The following DPF3 variants were observed in gnomAD, a reference collection of about 807,000 sequenced individuals.
DPF3 encodes zinc finger protein DPF3.
DPF3 carries 18 observed loss-of-function variants against 56.8 expected under a neutral mutation model. That is an observed-to-expected ratio of 0.32 (90% CI 0.22 to 0.47). The LOEUF (loss-of-function observed/expected upper bound fraction) is 0.47, where lower values mean the gene tolerates loss of function less well. Among genes scored for constraint, DPF3 ranks in the 20% least tolerant of loss-of-function variants. The pLI, the probability that DPF3 is intolerant of heterozygous loss-of-function variation, is 1.00. For missense variants in DPF3, 403 were observed against 488.8 expected (o/e 0.82, Z 1.65); for synonymous variants, 188 against 180.2 (o/e 1.04, Z -0.35).
intron 1 of DPF3, among the ~76,000 whole-genome samples, chr14:72,858,645 G>C (rs1458293641): frequency 2.0e-5 from 3 of 152,244 alleles, no homozygotes; most frequent in African/African-American, 7.2e-5. Flanking sequence ...GGAGTTTACA[G>C]TCTAGCCCTG....
intron 8 of DPF3, among the ~76,000 whole-genome samples, chr14:72,651,631 T>C (rs1184767673): frequency 6.6e-6 from 1 of 152,230 alleles, no homozygotes; most frequent in Non-Finnish European, 1.5e-5. Flanking sequence ...GTATTCGTTA[T>C]TTGCAAAGAT....
chr14:72,892,691 C>T (rs1321228609), intron 1 of DPF3: 1 of 1,021,638 alleles, frequency 9.8e-7, no homozygotes, highest in East Asian at 9.4e-5. Context: ...GGCCACGCAC[C>T]AGGGAGAATT....
At chr14:72,886,483 C>A (rs567749041) in intron 1 of DPF3, among the ~76,000 whole-genome samples, 219 of 152,248 alleles carry the variant, frequency 1.4e-3, no homozygotes, top group Non-Finnish European at 1.8e-3. Flanking sequence ...CATAGCAAGA[C>A]CTCCATCTCT....
At chr14:72,885,145 G>A (rs1436981351) in intron 1 of DPF3, among the ~76,000 whole-genome samples, 2 of 148,330 alleles carry the variant, frequency 1.3e-5, no homozygotes, top group East Asian at 4.0e-4. Flanking sequence ...AAACAGGAAG[G>A]GGGATATGAG....
intron 3 of DPF3, among the ~76,000 whole-genome samples, chr14:72,745,868 C>T (rs1439885165): frequency 1.3e-5 from 2 of 152,206 alleles, no homozygotes; most frequent in Admixed American, 1.3e-4. Flanking sequence ...AAAATACTGT[C>T]CGAGTTAGCC....
At chr14:72,814,569 C>T (rs540543631) in intron 1 of DPF3, among the ~76,000 whole-genome samples, 68 of 152,280 alleles carry the variant, frequency 4.5e-4, no homozygotes, top group African/African-American at 1.5e-3. Context: ...AATCCCAGCA[C>T]TTTGGGAGGC....
intron 1 of DPF3, among the ~76,000 whole-genome samples, chr14:72,813,401 G>C (rs1290157681): frequency 6.6e-6 from 1 of 152,200 alleles, no homozygotes; most frequent in Admixed American, 6.5e-5. Context: ...CTGAGCGCTT[G>C]CAGCTTTTAA....
At position 72,809,590 on chromosome 14, in the gene DPF3, G is replaced by T. The variant is rs118054251; in HGVS notation, c.33-37697C>A. ...CACCTGCCCTTCCTTTCAGAACCCT[G>T]CATGTGGCTGATGGCAGGTCCTCGG... On this transcript the variant is annotated intron_variant, in intron 1 of 10. Coordinates refer to ENST00000556509, the MANE Select transcript of DPF3 (RefSeq NM_001280542.3). 1.0e-3 allele frequency among the ~76,000 whole-genome samples: 154 copies of T among 152,322 alleles called. 1 individual carries two copies. The East Asian group carries it at 0.029, about 28-fold the overall frequency.
chr14:72,761,018 TATTGAGGATATAACA>T (rs147197569), intron 2 of DPF3, among the ~76,000 whole-genome samples: 3,293 of 152,184 alleles, frequency 0.022, 102 homozygotes, highest in African/African-American at 0.075. Flanking sequence ...GGAATCAATT[TATTGAGGATATAACA>T]ATACTAAATG....
At chr14:72,698,200 T>C (rs1198436066) in intron 6 of DPF3, among the ~76,000 whole-genome samples, 1 of 152,256 alleles carries the variant, frequency 6.6e-6, no homozygotes, top group East Asian at 1.9e-4. Context: ...TGACTTTTGA[T>C]TTTTCAGCTT....
chr14:72,856,936 A>T (rs1885192493), intron 1 of DPF3, among the ~76,000 whole-genome samples: 1 of 152,196 alleles, frequency 6.6e-6, no homozygotes, highest in Non-Finnish European at 1.5e-5. Flanking sequence ...AGTGCCAGCC[A>T]TCCTGGGGCA....
At chr14:72,826,152 T>G (rs938130383) in intron 1 of DPF3, among the ~76,000 whole-genome samples, 2 of 152,136 alleles carry the variant, frequency 1.3e-5, no homozygotes, top group African/African-American at 4.8e-5. Context: ...GGAGAGAAAG[T>G]TGAATAGCAT....
chr14:72,869,839 C>A (rs1455815847), intron 1 of DPF3, among the ~76,000 whole-genome samples: 1 of 152,118 alleles, frequency 6.6e-6, no homozygotes, highest in African/African-American at 2.4e-5. Context: ...CTATCTGGAG[C>A]CACAGAAACA....
At chr14:72,862,828 T>C (rs1244513744) in intron 1 of DPF3, among the ~76,000 whole-genome samples, 2 of 152,142 alleles carry the variant, frequency 1.3e-5, no homozygotes, top group Admixed American at 6.5e-5. Context: ...ATCTCACTTC[T>C]TTACTTAGTT....
At chr14:72,851,584 G>A (rs1884985300) in intron 1 of DPF3, among the ~76,000 whole-genome samples, 2 of 152,302 alleles carry the variant, frequency 1.3e-5, no homozygotes, top group African/African-American at 4.8e-5. Context: ...TTTGAGAGGT[G>A]GCAGATTATA....
intron 2 of DPF3, among the ~76,000 whole-genome samples, chr14:72,768,933 CTGTGTGTGTGTGTGTG>C (rs10543093): frequency 4.8e-5 from 7 of 146,516 alleles, no homozygotes; most frequent in African/African-American, 1.0e-4. Flanking sequence ...GTGTGAGTGT[CTGTGTGTGTGTGTGTG>C]TGTGTGTGTG....
intron 8 of DPF3, among the ~76,000 whole-genome samples, chr14:72,630,962 C>T (rs1885136888): frequency 6.6e-6 from 1 of 152,216 alleles, no homozygotes; most frequent in Admixed American, 6.5e-5. Context: ...GGCGCCACCA[C>T]CCCTTGGCAA....
At chr14:72,710,469 T>C (rs1685412307) in intron 6 of DPF3, among the ~76,000 whole-genome samples, 1 of 152,150 alleles carries the variant, frequency 6.6e-6, no homozygotes, top group South Asian at 2.1e-4. Context: ...CAGAAAATAA[T>C]AAGAGCTGAG....
chr14:72,621,319 A>G (rs1463765969), intron 9 of DPF3, among the ~76,000 whole-genome samples: 1 of 152,128 alleles, frequency 6.6e-6, no homozygotes, highest in Non-Finnish European at 1.5e-5. Context: ...AGCTGCTCGG[A>G]AACTGTTTGT....
Sources: allele counts gnomAD v4.1 joint callset (sites outside exome capture counted in the v4.1 genomes callset), GRCh38; gene constraint gnomAD v4.1.1; transcripts MANE v1.5; gene names NCBI Gene and HGNC (gene_info 2026-07-23, HGNC 2026-07-21).